RBM6: variants seen among roughly 807,000 people sequenced by gnomAD.
RBM6 encodes the protein RNA-binding protein 6.
A neutral mutation model predicts 140.4 loss-of-function variants in RBM6; 23 were observed. The observed-to-expected ratio is 0.16, with a 90% CI of 0.12 to 0.23. The LOEUF (loss-of-function observed/expected upper bound fraction) is 0.23. Among genes scored for constraint, RBM6 ranks in the 10% least tolerant of loss-of-function variants. The pLI is 1.00. For missense variants in RBM6, 1,139 were observed against 1,386.7 expected (o/e 0.82, Z 2.84); for synonymous variants, 439 against 475.6 (o/e 0.92, Z 1.00).
At chr3:49,987,481 A>G (rs1054709163) in intron 5 of RBM6, among the ~76,000 whole-genome samples, 3 of 151,710 alleles carry the variant, frequency 2.0e-5, no homozygotes, top group Non-Finnish European at 4.4e-5. Context: ...ACGCCCAGCT[A>G]AATTTTTTGT....
chr3:49,997,084 AT>A (rs1228370050), intron 5 of RBM6, among the ~76,000 whole-genome samples: 2 of 152,196 alleles, frequency 1.3e-5, no homozygotes, highest in Non-Finnish European at 2.9e-5. Flanking sequence ...TTATGTAAAT[AT>A]TACTTACTTT....
intron 6 of RBM6, among the ~76,000 whole-genome samples, chr3:50,031,558 A>G (rs1226137577): frequency 2.0e-5 from 3 of 151,578 alleles, no homozygotes; most frequent in Admixed American, 6.6e-5. Flanking sequence ...AGAGCGGGGA[A>G]CATCACACAC....
intron 10 of RBM6, chr3:50,058,847 C>T (rs1366471557): frequency 3.0e-5 from 6 of 199,848 alleles, no homozygotes; most frequent in East Asian, 2.2e-4. Context: ...ACTCCGGAGG[C>T]GGAGCTTGCA....
intron 1 of RBM6, among the ~76,000 whole-genome samples, chr3:49,962,036 G>A (rs1049777185): frequency 2.0e-5 from 3 of 151,554 alleles, no homozygotes; most frequent in Non-Finnish European, 2.9e-5. Flanking sequence ...TGCGCCTGTA[G>A]TTCTAGCTAC....
Position 50,054,378 on chromosome 3 carries a change from G to T in RBM6, c.1676G>T (p.Cys559Phe). Residue 559 changes from cysteine to phenylalanine, a missense_variant, in exon 8 of 21, where the codon TGC becomes TTC. Physicochemically the swap from Cys to Phe is radical, Grantham distance 205. Coordinates refer to ENST00000266022, the MANE Select transcript of RBM6 (RefSeq NM_005777.3). The stretch of plus-strand genomic sequence containing the variant: ...GGGCACCGATCTTCCTGTTCATTCT[G>T]CAAGAACCCAAGAGAAGGTGAGTGG... ...IGGHRSSCSF[C>F]KNPREVTEAK... The T allele has an allele frequency of 6.2e-7, 1 of 1,612,924 alleles. No homozygotes were observed. Among genetic ancestry groups the T allele is most frequent in the Non-Finnish European group, 8.5e-7 (1 of 1,178,892 alleles).
chr3:50,038,313 A>G (rs889271271), intron 6 of RBM6, among the ~76,000 whole-genome samples: 1 of 152,156 alleles, frequency 6.6e-6, no homozygotes, highest in Admixed American at 6.6e-5. Context: ...AAGAAAAAGG[A>G]ATAGTTTTAT....
intron 1 of RBM6, among the ~76,000 whole-genome samples, chr3:49,943,501 G>T (rs1022305737): frequency 6.6e-6 from 1 of 152,008 alleles, no homozygotes; most frequent in African/African-American, 2.4e-5. Flanking sequence ...TTGTGATGAA[G>T]TCTTGCCTTG....
At chr3:49,948,479 C>G (rs137972033) in intron 1 of RBM6, among the ~76,000 whole-genome samples, 1 of 152,030 alleles carries the variant, frequency 6.6e-6, no homozygotes, top group Non-Finnish European at 1.5e-5. Context: ...GTAATCCCAG[C>G]ACTTTGGGAG....
intron 5 of RBM6, among the ~76,000 whole-genome samples, chr3:49,976,844 C>A (rs1274580288): frequency 6.6e-6 from 1 of 152,130 alleles, no homozygotes; most frequent in Non-Finnish European, 1.5e-5. Context: ...AATTGGCAGA[C>A]TGAAGACATT....
chr3:50,009,593 A>G (rs138250223), intron 6 of RBM6, among the ~76,000 whole-genome samples: 7 of 152,260 alleles, frequency 4.6e-5, no homozygotes, highest in East Asian at 1.9e-4. Flanking sequence ...GTCTTGCTCT[A>G]TCACCCAAGC....
rs1436930662 is a variant in RBM6 at position 49,967,485 on chromosome 3, A to G, written c.60A>G (p.Glu20=). 1.2e-6 allele frequency: 2 copies of G among 1,613,202 alleles called. No homozygotes were observed. Among genetic ancestry groups the G allele is most frequent in the Non-Finnish European group, 1.7e-6 (2 of 1,179,334 alleles). ...GTTTCTACAGTGGGAGCCAAGAAGAAAGGTTTGCTCCCGGGTGGAACAGGG... is the reference window on the plus strand; with the variant it reads ...GTTTCTACAGTGGGAGCCAAGAAGAGAGGTTTGCTCCCGGGTGGAACAGGG... ...RTGPFRGSQE[E]RFAPGWNRDY... is the part of the protein sequence containing the mutation. Residue 20 remains glutamate, a synonymous_variant, in exon 3 of 21, where the codon GAA becomes GAG. Transcript: ENST00000266022. This position sits in a 1 kb window ranked among gnomAD's most constrained non-coding sequence, Gnocchi z 4.0.
At chr3:50,025,702 GGCGTGAGCC>G (rs2087773568) in intron 6 of RBM6, among the ~76,000 whole-genome samples, 1 of 150,184 alleles carries the variant, frequency 6.7e-6, no homozygotes, top group Non-Finnish European at 1.5e-5. Context: ...TGGGAATATA[GGCGTGAGCC>G]ACTGTGCCCC....
intron 19 of RBM6, among the ~76,000 whole-genome samples, chr3:50,072,502 C>T (rs1293071149): frequency 6.6e-6 from 1 of 152,082 alleles, no homozygotes; most frequent in East Asian, 1.9e-4. Context: ...GAGCAAGGCC[C>T]TTGAGGAGGC....
intron 6 of RBM6, among the ~76,000 whole-genome samples, chr3:50,037,039 C>T (rs1575767181): frequency 6.6e-6 from 1 of 152,064 alleles, no homozygotes; most frequent in East Asian, 1.9e-4. Flanking sequence ...CCACCTTGGC[C>T]TCCCAAAAAG....
intron 20 of RBM6, among the ~76,000 whole-genome samples, chr3:50,075,620 A>G (rs1313210241): frequency 6.6e-6 from 1 of 152,210 alleles, no homozygotes; most frequent in Non-Finnish European, 1.5e-5. Flanking sequence ...CTGAAGAATC[A>G]TTTGGGCAAA....
chr3:50,027,614 G>A (rs1452214856), intron 6 of RBM6, among the ~76,000 whole-genome samples: 1 of 152,066 alleles, frequency 6.6e-6, no homozygotes, highest in Non-Finnish European at 1.5e-5. Flanking sequence ...TTTGTGACTG[G>A]CTTCTTTTAC....
Position 50,065,011 on chromosome 3 carries a change from G to C in RBM6, c.2587-20G>C. The stretch of plus-strand genomic sequence containing the variant: ...TATTATGAGTGAATATCATGTGAGA[G>C]TTACCTCTGGTTTGATCAGTTTCAG... On this transcript the variant is annotated intron_variant, in intron 15 of 20. Transcript: ENST00000266022. The C allele has an allele frequency of 1.3e-6, 2 of 1,588,874 alleles. No individual in the cohort carries two copies. The highest frequency in any genetic ancestry group is 1.7e-6 in the Non-Finnish European group (2 of 1,157,740).
intron 6 of RBM6, among the ~76,000 whole-genome samples, chr3:50,030,553 T>TTC: frequency 6.6e-6 from 1 of 152,314 alleles, no homozygotes; most frequent in Admixed American, 6.5e-5. Context: ...TCCTTCTGCC[T>TTC]CTTACCAGTA....
At chr3:49,946,399 C>T (rs1346725346) in intron 1 of RBM6, among the ~76,000 whole-genome samples, 3 of 152,012 alleles carry the variant, frequency 2.0e-5, no homozygotes, top group African/African-American at 7.2e-5. Flanking sequence ...CGCCACCGTG[C>T]CCAGCTAATT....
Sources: allele counts gnomAD v4.1 joint callset (sites outside exome capture counted in the v4.1 genomes callset), GRCh38; gene constraint gnomAD v4.1.1; non-coding constraint Gnocchi (gnomAD v3.1); transcripts MANE v1.5; gene names NCBI Gene and HGNC (gene_info 2026-07-23, HGNC 2026-07-21).